Variants in MAST2 observed in about 807,000 individuals in gnomAD.
MAST2 encodes microtubule-associated serine/threonine-protein kinase 2.
MAST2 carries 70 observed loss-of-function variants against 147.4 expected under a neutral mutation model. The observed-to-expected ratio is 0.47, with a 90% CI of 0.39 to 0.58. The LOEUF (loss-of-function observed/expected upper bound fraction) is 0.58, where lower values mean the gene tolerates loss of function less well. Among genes scored for constraint, MAST2 ranks in the 20% least tolerant of loss-of-function variants. The probability of loss-of-function intolerance (pLI) is 0.00; values close to 1 mark genes in which losing one functional copy is unlikely to be tolerated. For missense variants in MAST2, 2,080 were observed against 2,302.3 expected, an observed-to-expected ratio of 0.90 and a Z score of 1.98; for synonymous variants, 869 against 896.8, an observed-to-expected ratio of 0.97 and a Z score of 0.55.
At chr1:45,822,245 T>A (rs889033873) in intron 1 of MAST2, among the ~76,000 whole-genome samples, 6 of 152,284 alleles carry the variant, frequency 3.9e-5, no homozygotes, top group African/African-American at 1.4e-4. Context: ...TTGTGAAAAT[T>A]CATTGAGTTC....
intron 1 of MAST2, among the ~76,000 whole-genome samples, chr1:45,819,484 A>G (rs896352249): frequency 3.3e-5 from 5 of 152,208 alleles, no homozygotes; most frequent in African/African-American, 1.2e-4. Context: ...CCAAAAAACT[A>G]TTAGAACTGA....
intron 5 of MAST2, 42 bp downstream of exon 5, chr1:45,959,519 C>T: frequency 6.7e-7 from 1 of 1,483,822 alleles, no homozygotes; most frequent in Non-Finnish European, 9.4e-7. Flanking sequence ...GAAAGAGTGG[C>T]CACAGATGCC....
chr1:45,951,476 T>A lies in MAST2; in HGVS notation c.501-7910T>A, dbSNP rs564184242. Among the ~76,000 whole-genome samples the A allele has an allele frequency of 2.0e-5, 3 of 149,932 alleles. No homozygotes were observed. The East Asian group carries it at 6.1e-4, about 30-fold the overall frequency. On this transcript the variant is annotated intron_variant, in intron 4 of 28. Coordinates refer to ENST00000361297, the MANE Select transcript of MAST2 (RefSeq NM_015112.3). ...CATGGGCCTGTGGCCCCAGCTACCC[T>A]GGAGGCTGAGGTGGGAGGATCACCT...
At chr1:45,816,159 A>G (rs1355699880) in intron 1 of MAST2, among the ~76,000 whole-genome samples, 2 of 148,508 alleles carry the variant, frequency 1.3e-5, no homozygotes, top group South Asian at 2.1e-4. Context: ...TGGCAGAGGT[A>G]GTCTCTGGCA....
In MAST2 at chr1:46,023,283, C is replaced by A; in HGVS notation, c.1536C>A (p.Phe512Leu). 6.2e-7 allele frequency: 1 copy of A among 1,614,158 alleles called. No individual in the cohort carries two copies. The highest frequency in any genetic ancestry group is 8.5e-7 in the Non-Finnish European group (1 of 1,180,026). The change falls in exon 14 of 29, where the codon TTC becomes TTA. Residue 512 changes from phenylalanine to leucine, a missense_variant. Phe to Leu is a conservative substitution (Grantham distance 22, BLOSUM62 0). Around this residue, in one of 4 missense-constraint regions of MAST2, gnomAD observed 569 missense variants for 642.5 expected, o/e 0.89. Transcript: ENST00000361297. This position sits in a 1 kb window ranked among gnomAD's most constrained non-coding sequence, Gnocchi z 4.9. ...AAAAGACACCCTCTGAAGAGGACTT[C>A]GAGACCATTAAGCTCATCAGCAATG... is the stretch of plus-strand genomic sequence containing the variant. ...PSKKTPSEED[F>L]ETIKLISNGA...
chr1:45,916,902 A>C (rs1329876449), intron 4 of MAST2, among the ~76,000 whole-genome samples: 1 of 152,126 alleles, frequency 6.6e-6, no homozygotes, highest in South Asian at 2.1e-4. Context: ...AACATGATGA[A>C]ACCCTGTTTG....
At chr1:45,968,314 C>G (rs1056010112) in intron 5 of MAST2, among the ~76,000 whole-genome samples, 9 of 152,144 alleles carry the variant, frequency 5.9e-5, no homozygotes, top group African/African-American at 2.2e-4. Flanking sequence ...ACTTTCTCCC[C>G]TATATAATTT....
At chr1:45,950,897 C>A (rs149192821) in intron 4 of MAST2, among the ~76,000 whole-genome samples, 1 of 151,814 alleles carries the variant, frequency 6.6e-6, no homozygotes, top group African/African-American at 2.4e-5. Context: ...GCCTGGGCAA[C>A]ATGGTCAAAC....
At chr1:46,019,457 C>T in intron 10 of MAST2, 139 bp from the exon 11 acceptor site, 1 of 637,776 alleles carries the variant, frequency 1.6e-6, no homozygotes, top group Non-Finnish European at 2.7e-6. Context: ...AGCCAGCCAG[C>T]CTTCTCTGAG....
chr1:45,998,727 C>G (rs958039248), intron 6 of MAST2, among the ~76,000 whole-genome samples: 1 of 150,918 alleles, frequency 6.6e-6, no homozygotes, highest in Non-Finnish European at 1.5e-5. Context: ...AATACTTAGA[C>G]TACTTTTTTT....
rs770090385 is a variant in MAST2 at position 46,025,147 on chromosome 1, C to T, written c.1781-530C>T. On this transcript the variant is annotated intron_variant, in intron 15 of 28. Coordinates refer to ENST00000361297, the MANE Select transcript of MAST2 (RefSeq NM_015112.3). ...CAGCCTGACCAACATGGCGAAACCC[C>T]GTCTCTACAAAAAATGCAAAAATTA... Among the ~76,000 whole-genome samples the T allele has an allele frequency of 3.2e-4, 48 of 152,148 alleles. 1 individual carries two copies. The Middle Eastern group carries it at 0.034, about 108-fold the overall frequency.
At chr1:45,843,383 T>C (rs571508240) in intron 3 of MAST2, among the ~76,000 whole-genome samples, 1 of 152,362 alleles carries the variant, frequency 6.6e-6, no homozygotes, top group African/African-American at 2.4e-5. Flanking sequence ...TGTTTTCTTC[T>C]ATGAATTTTA....
intron 3 of MAST2, among the ~76,000 whole-genome samples, chr1:45,856,352 C>G (rs777488215): frequency 6.6e-6 from 1 of 152,128 alleles, no homozygotes; most frequent in Admixed American, 6.5e-5. Flanking sequence ...ATAAATGGAA[C>G]TAATATGTGG....
intron 1 of MAST2, among the ~76,000 whole-genome samples, chr1:45,822,276 T>C (rs1191426888): frequency 6.6e-6 from 1 of 152,166 alleles, no homozygotes; most frequent in Non-Finnish European, 1.5e-5. Flanking sequence ...TATGTGTACT[T>C]TTCTAAAATG....
At chr1:45,884,757 A>T (rs1647008107) in intron 4 of MAST2, among the ~76,000 whole-genome samples, 1 of 152,160 alleles carries the variant, frequency 6.6e-6, no homozygotes, top group Non-Finnish European at 1.5e-5. Flanking sequence ...TTTGTTCTGG[A>T]AGGAAGCAAG....
At chr1:45,808,775 T>A (rs1644211339) in intron 1 of MAST2, among the ~76,000 whole-genome samples, 1 of 152,204 alleles carries the variant, frequency 6.6e-6, no homozygotes, top group South Asian at 2.1e-4. Context: ...AAGTGCTTTA[T>A]AAATACTCGT....
intron 4 of MAST2, among the ~76,000 whole-genome samples, chr1:45,889,005 G>A (rs2148376176): frequency 6.6e-6 from 1 of 151,908 alleles, no homozygotes; most frequent in African/African-American, 2.4e-5. Flanking sequence ...TACTACCACT[G>A]GTTTGTCCAG....
intron 9 of MAST2, 21 bp from the exon 10 acceptor site, chr1:46,010,705 GTTTC>G (rs1448844342): frequency 1.1e-5 from 17 of 1,607,860 alleles, no homozygotes; most frequent in Admixed American, 3.3e-5. Flanking sequence ...GAAGGGAAGT[GTTTC>G]TTTCTTGCTT....
chr1:46,025,848 T>C, intron 16 of MAST2, 33 bp downstream of exon 16: 1 of 1,613,558 alleles, frequency 6.2e-7, no homozygotes, highest in Non-Finnish European at 8.5e-7. Context: ...TTGTCCAGGG[T>C]CTCCCTCTTG....
Sources: gnomAD v4.1 joint callset for allele counts (sites outside exome capture counted in the v4.1 genomes callset) on GRCh38, gnomAD v4.1.1 for gene constraint, gnomAD v4.1.1 regional missense constraint, Gnocchi (gnomAD v3.1) non-coding constraint, MANE v1.5 for transcripts, NCBI Gene and HGNC (gene_info 2026-07-23, HGNC 2026-07-21) for gene names.